DMXL1: variants seen among roughly 807,000 people sequenced by gnomAD.
DMXL1 encodes the protein dmX-like protein 1.
Under a neutral mutation model 319.2 loss-of-function variants are expected in DMXL1, and 99 were observed. The ratio of observed to expected loss-of-function variants is 0.31; its 90% CI spans 0.26 to 0.37. The LOEUF is 0.37. DMXL1 is among the 10% of genes least tolerant of loss of function. The pLI is 1.00. For missense variants in DMXL1, 3,745 were observed against 3,595.6 expected, an observed-to-expected ratio of 1.04 and a Z score of -1.06; for synonymous variants, 1,385 against 1,235.2, an observed-to-expected ratio of 1.12 and a Z score of -2.54.
rs1288257730 is a variant in DMXL1 at position 119,151,922 on chromosome 5, A to C, written c.4595-7A>C. On this transcript the variant is annotated splice_polypyrimidine_tract_variant and splice_region_variant and intron_variant, in intron 18 of 43. Transcript: ENST00000539542. ...TAATACATTGCTTCCCCTTTCTCCC[A>C]TTGCAGGTGGAGAAACTCTTGATGA... is the stretch of plus-strand genomic sequence containing the variant. The C allele has an allele frequency of 1.3e-6, 2 of 1,591,740 alleles. No individual in the cohort carries two copies. Among genetic ancestry groups the C allele is most frequent in the Non-Finnish European group, 8.6e-7 (1 of 1,161,240 alleles).
At chr5:119,113,958 TG>T (rs1480782024) in intron 5 of DMXL1, among the ~76,000 whole-genome samples, 1 of 152,050 alleles carries the variant, frequency 6.6e-6, no homozygotes, top group Non-Finnish European at 1.5e-5. Flanking sequence ...GGGAAGGCAA[TG>T]AAGAGAAATG....
intron 13 of DMXL1, among the ~76,000 whole-genome samples, chr5:119,141,852 C>T (rs1028220575): frequency 1.3e-5 from 2 of 151,954 alleles, no homozygotes; most frequent in Non-Finnish European, 2.9e-5. Context: ...TCATGTTACC[C>T]GACTTCAAAC....
rs958171159 is a variant in DMXL1, at chr5:119,147,174, T to C, written c.2690-75T>C. 3.8e-6 allele frequency: 5 copies of C among 1,325,930 alleles called. No individual in the cohort carries two copies. The African/African-American group carries it at 7.4e-5, about 20-fold the overall frequency. The allele number at this position is 1,325,930 out of a possible 1,614,324, so 82.1% of individuals were successfully genotyped here. ...TTATCTTTTACAAGGCAGTTTTGGA[T>C]TGTAAAATGTAACAATCGTAATATT... On this transcript the variant is annotated intron_variant, in intron 16 of 43. Coordinates refer to ENST00000539542, the MANE Select transcript of DMXL1 (RefSeq NM_001290321.3).
At chr5:119,194,747 G>A (rs1486723231) in intron 30 of DMXL1, among the ~76,000 whole-genome samples, 1 of 151,906 alleles carries the variant, frequency 6.6e-6, no homozygotes, top group African/African-American at 2.4e-5. Context: ...CAACAAAAAG[G>A]TAAATAATTA....
At chr5:119,151,823 A>G (rs879062525) in intron 18 of DMXL1, 106 bp from the exon 19 acceptor site, 5 of 577,632 alleles carry the variant, frequency 8.7e-6, no homozygotes, top group South Asian at 5.4e-5. Flanking sequence ...TTTTACACTG[A>G]TAACTTTTTT....
rs368545273 is a variant in DMXL1 at position 119,244,611 on chromosome 5, G to T, written c.8922+35G>T. 2.7e-6 allele frequency: 4 copies of T among 1,496,290 alleles called. No individual in the cohort carries two copies. In the Middle Eastern group the frequency reaches 5.1e-4, roughly 192 times the overall value. The allele number at this position is 1,496,290 out of a possible 1,614,324, so 92.7% of individuals were successfully genotyped here. A position where few individuals can be genotyped will look rare whatever the true frequency, so the allele number is the denominator to read the frequency against. ...GTTGATGCCACAACATCTACAAAAT[G>T]AAATCTTCAGAAACCTTAGCTCTTT... On this transcript the variant is annotated intron_variant, in intron 43 of 43. Coordinates refer to ENST00000539542, the MANE Select transcript of DMXL1 (RefSeq NM_001290321.3).
rs773073233 is a variant in DMXL1 at position 119,170,260 on chromosome 5, G to A, written c.5469G>A (p.Leu1823=). 1 of 1,613,582 alleles carries A rather than the reference G, an allele frequency of 6.2e-7. No individual in the cohort carries two copies. Among genetic ancestry groups the A allele is most frequent in the South Asian group, 1.1e-5 (1 of 90,998 alleles). ...FYNYLRTHPL[L]LRRHFGSSDT... ...ATTATCTAAGAACACATCCTCTTTTGCTGAGACGTCATTTTGGATCATCTG... is the reference window on the plus strand; with the variant it reads ...ATTATCTAAGAACACATCCTCTTTTACTGAGACGTCATTTTGGATCATCTG... Residue 1823 remains leucine, a synonymous_variant, in exon 24 of 44, where the codon TTG becomes TTA. Transcript: ENST00000539542.
chr5:119,243,407 T>G (rs182660957), intron 42 of DMXL1, among the ~76,000 whole-genome samples: 2 of 152,258 alleles, frequency 1.3e-5, no homozygotes, highest in African/African-American at 4.8e-5. Flanking sequence ...AAGTACACAT[T>G]TAATCCCACA....
In DMXL1 at chr5:119,168,291, T is replaced by G. The variant is rs550759323; in HGVS notation, c.5398+427T>G. Among the ~76,000 whole-genome samples the G allele has an allele frequency of 3.3e-5, 5 of 152,342 alleles. No individual in the cohort carries two copies. The East Asian group carries it at 9.6e-4, about 29-fold the overall frequency. ...TTAGCTAGATGAACTTTTGACTGTC[T>G]TGTTATGAACTGGTAGAGCTTATGT... On this transcript the variant is annotated intron_variant, in intron 23 of 43. Coordinates refer to ENST00000539542, the MANE Select transcript of DMXL1 (RefSeq NM_001290321.3).
chr5:119,218,646 G>A (rs984737889), intron 35 of DMXL1, among the ~76,000 whole-genome samples: 8 of 151,828 alleles, frequency 5.3e-5, no homozygotes, highest in Non-Finnish European at 8.8e-5. Context: ...TAGTAGAGAC[G>A]GCGTTTCACC....
intron 3 of DMXL1, 139 bp from the exon 4 acceptor site, chr5:119,105,041 T>G (rs561419811): frequency 1.7e-6 from 1 of 591,370 alleles, no homozygotes; most frequent in African/African-American, 1.9e-5. Flanking sequence ...GTTCTCTATT[T>G]TTGTTGACTG....
chr5:119,094,356 G>A (rs565903527), intron 1 of DMXL1, among the ~76,000 whole-genome samples: 1 of 152,304 alleles, frequency 6.6e-6, no homozygotes, highest in East Asian at 1.9e-4. Flanking sequence ...TCTACAAGTG[G>A]AACAACAAAG....
rs765475475 is a variant in DMXL1, at chr5:119,167,753, A to G, written c.5287A>G (p.Asn1763Asp). The change falls in exon 23 of 44, where the codon AAC becomes GAC. Residue 1763 changes from asparagine to aspartate, a missense_variant. Asn to Asp is a conservative substitution (Grantham distance 23). Coordinates refer to ENST00000539542, the MANE Select transcript of DMXL1 (RefSeq NM_001290321.3). Reference sequence around the variant, plus strand: ...TCCTGTCAGTGAACTGTGTTCATTGAACATAAATATGCATCATGATCCTTT... The same window carrying G: ...TCCTGTCAGTGAACTGTGTTCATTGGACATAAATATGCATCATGATCCTTT... ...DSPVSELCSLNINMHHDPFLR... is the reference protein window; with the variant it reads ...DSPVSELCSLDINMHHDPFLR... The G allele has an allele frequency of 5.0e-6, 8 of 1,613,598 alleles. No homozygotes were observed. The South Asian group carries it at 8.8e-5, about 18-fold the overall frequency.
intron 32 of DMXL1, among the ~76,000 whole-genome samples, chr5:119,198,642 C>T (rs1780094080): frequency 6.6e-6 from 1 of 152,166 alleles, no homozygotes; most frequent in Non-Finnish European, 1.5e-5. Flanking sequence ...ATTCTAAAAT[C>T]AGATGGAACC....
chr5:119,081,190 CTGTT>C (rs1337684065), intron 1 of DMXL1, among the ~76,000 whole-genome samples: 1 of 152,172 alleles, frequency 6.6e-6, no homozygotes, highest in Admixed American at 6.5e-5. Flanking sequence ...ACTAAGCTGT[CTGTT>C]CTGGGCAAGG....
At chr5:119,114,862 A>T (rs1302247707) in intron 6 of DMXL1, among the ~76,000 whole-genome samples, 2 of 151,962 alleles carry the variant, frequency 1.3e-5, no homozygotes, top group Non-Finnish European at 2.9e-5. Context: ...TAGAGACGGG[A>T]TTTCACCATA....
intron 5 of DMXL1, among the ~76,000 whole-genome samples, chr5:119,111,738 A>G (rs1318190916): frequency 6.6e-6 from 1 of 152,246 alleles, no homozygotes; most frequent in African/African-American, 2.4e-5. Context: ...GTAGGCCTTA[A>G]ATTAGTTAGA....
At chr5:119,150,999 C>T (rs1163338804) in intron 18 of DMXL1, among the ~76,000 whole-genome samples, 2 of 151,994 alleles carry the variant, frequency 1.3e-5, no homozygotes, top group Non-Finnish European at 2.9e-5. Context: ...TATAAAAGAT[C>T]CAACTGAATC....
intron 15 of DMXL1, among the ~76,000 whole-genome samples, chr5:119,145,510 G>A (rs7717384): frequency 0.23 from 34,388 of 151,440 alleles, 4,419 homozygotes; most frequent in East Asian, 0.55. Context: ...GATATCAGGC[G>A]TAAGAGATAA....
Sources: allele counts gnomAD v4.1 joint callset (sites outside exome capture counted in the v4.1 genomes callset), GRCh38; gene constraint gnomAD v4.1.1; transcripts MANE v1.5; gene names NCBI Gene and HGNC (gene_info 2026-07-23, HGNC 2026-07-21).